The following ANKRD44 variants were observed in gnomAD, a reference collection of about 807,000 sequenced individuals.
ANKRD44 encodes serine/threonine-protein phosphatase 6 regulatory ankyrin repeat subunit B.
ANKRD44 carries 35 observed loss-of-function variants against 116.0 expected under a neutral mutation model. The ratio of observed to expected loss-of-function variants is 0.30; its 90% CI spans 0.23 to 0.40. The LOEUF (loss-of-function observed/expected upper bound fraction) is 0.40, where lower values mean the gene tolerates loss of function less well. Among genes scored for constraint, ANKRD44 ranks in the 10% least tolerant of loss-of-function variants. The pLI is 1.00. For missense variants in ANKRD44, 1,014 were observed against 1,242.6 expected (o/e 0.82, Z 2.77); for synonymous variants, 435 against 461.8 (o/e 0.94, Z 0.74).
rs76254088 is a variant in ANKRD44 at position 197,185,591 on chromosome 2, C to A, written c.111+1432G>T. Among the ~76,000 whole-genome samples the A allele has an allele frequency of 4.0e-3, 613 of 152,316 alleles. 4 individuals are homozygous for A. The highest frequency in any genetic ancestry group is 0.014 in the African/African-American group (583 of 41,566). Reference sequence around the variant, plus strand: ...ACTGTACATAATTGCTTGTTCAACTCAAATCTAGGAAACTACTAAAAGGGT... The same window carrying A: ...ACTGTACATAATTGCTTGTTCAACTAAAATCTAGGAAACTACTAAAAGGGT... On this transcript the variant is annotated intron_variant, in intron 2 of 27. Transcript: ENST00000282272.
rs1017547092 is a variant in ANKRD44 at position 196,990,515 on chromosome 2, G to T, written c.2924-866C>A. 32 of 1,227,644 alleles carry T rather than the reference G, an allele frequency of 2.6e-5. No homozygotes were observed. The African/African-American group carries it at 4.5e-4, about 17-fold the overall frequency. The allele number at this position is 1,227,644 out of a possible 1,614,324, so 76.0% of individuals were successfully genotyped here. A position where few individuals can be genotyped will look rare whatever the true frequency, so the allele number is the denominator to read the frequency against. On this transcript the variant is annotated intron_variant, in intron 27 of 27. Transcript: ENST00000282272. The stretch of plus-strand genomic sequence containing the variant: ...CAAAACTGGGGCCATCTGTGTGACT[G>T]TTCCACCCAACAGCCTCACTGCCCT...
At chr2:196,998,016 C>T (rs922324260) in intron 25 of ANKRD44, among the ~76,000 whole-genome samples, 15 of 152,094 alleles carry the variant, frequency 9.9e-5, no homozygotes, top group African/African-American at 3.6e-4. Context: ...TTATGTGGTA[C>T]CAAAATGTGG....
intron 2 of ANKRD44, among the ~76,000 whole-genome samples, chr2:197,167,841 C>G (rs2080133303): frequency 6.6e-6 from 1 of 152,202 alleles, no homozygotes; most frequent in African/African-American, 2.4e-5. Flanking sequence ...AGATTTTCCC[C>G]TTTACCATAC....
intron 9 of ANKRD44, among the ~76,000 whole-genome samples, chr2:197,108,622 T>G (rs190644474): frequency 5.4e-4 from 83 of 152,296 alleles, no homozygotes; most frequent in Middle Eastern, 3.4e-3. Context: ...ACAGATCATT[T>G]GAGGCCAGGA....
At chr2:196,980,086 T>C (rs2075790444) in intron 21 of ANKRD44, among the ~76,000 whole-genome samples, 1 of 152,200 alleles carries the variant, frequency 6.6e-6, no homozygotes, top group Non-Finnish European at 1.5e-5. Context: ...CTGAATGACA[T>C]TGCAGTAAAT....
At chr2:197,096,424 G>T (rs1014526133) in intron 10 of ANKRD44, among the ~76,000 whole-genome samples, 1 of 152,074 alleles carries the variant, frequency 6.6e-6, no homozygotes, top group East Asian at 1.9e-4. Context: ...GAGACAATCC[G>T]CAAACTAACA....
At chr2:197,069,444 A>G (rs1363637475) in intron 16 of ANKRD44, among the ~76,000 whole-genome samples, 1 of 152,136 alleles carries the variant, frequency 6.6e-6, no homozygotes, top group Non-Finnish European at 1.5e-5. Context: ...AACTTAAAGT[A>G]TAATAAAAAA....
chr2:197,013,234 C>T (rs2076330368), intron 18 of ANKRD44, among the ~76,000 whole-genome samples: 2 of 152,170 alleles, frequency 1.3e-5, no homozygotes, highest in Admixed American at 6.5e-5. Context: ...GATTGCATTA[C>T]ACCTTGCCCT....
intron 2 of ANKRD44, chr2:197,147,922 A>G: frequency 2.2e-6 from 1 of 455,032 alleles, no homozygotes; most frequent in Non-Finnish European, 4.4e-6. Context: ...CTCAAATTTT[A>G]AAATTTCCTC....
In ANKRD44 at chr2:197,089,943, T is replaced by C; in HGVS notation, c.1183+7A>G. ...TAAGCCTCATCTCTGCTAACAGATT[T>C]ACTTACCCGATGATAACAACTTTCT... On this transcript the variant is annotated splice_region_variant and intron_variant, in intron 11 of 27. Coordinates refer to ENST00000282272, the MANE Select transcript of ANKRD44 (RefSeq NM_001195144.2). 1 of 1,613,024 alleles carries C rather than the reference T, an allele frequency of 6.2e-7. No individual in the cohort carries two copies. The highest frequency in any genetic ancestry group is 8.5e-7 in the Non-Finnish European group (1 of 1,179,050).
chr2:197,136,459 G>T, intron 4 of ANKRD44, 133 bp downstream of exon 4: 1 of 768,518 alleles, frequency 1.3e-6, no homozygotes, highest in African/African-American at 1.7e-5. Context: ...AATAAAAGCT[G>T]TTCATTTTGG....
At chr2:197,307,796 A>C (rs2084117439) in intron 1 of ANKRD44, among the ~76,000 whole-genome samples, 1 of 152,166 alleles carries the variant, frequency 6.6e-6, no homozygotes, top group Admixed American at 6.5e-5. Flanking sequence ...AAATCCAGAC[A>C]ATTTGTGTTT....
At chr2:197,089,063 G>A (rs2077986849) in intron 11 of ANKRD44, among the ~76,000 whole-genome samples, 1 of 152,182 alleles carries the variant, frequency 6.6e-6, no homozygotes, top group Non-Finnish European at 1.5e-5. Flanking sequence ...AAACCAATTT[G>A]AGATAAGTAG....
chr2:197,035,041 G>A (rs1471628428), intron 16 of ANKRD44, among the ~76,000 whole-genome samples: 1 of 152,186 alleles, frequency 6.6e-6, no homozygotes, highest in Non-Finnish European at 1.5e-5. Flanking sequence ...CACATGAACA[G>A]CATTTCAATG....
At chr2:197,026,215 CTGA>C (rs1262450968) in intron 16 of ANKRD44, among the ~76,000 whole-genome samples, 1 of 152,196 alleles carries the variant, frequency 6.6e-6, no homozygotes, top group African/African-American at 2.4e-5. Context: ...GTTCCCTGCA[CTGA>C]TAATTCCATA....
rs147213525 is a variant in ANKRD44, at chr2:197,223,685, G to T, written c.28-36579C>A. On this transcript the variant is annotated intron_variant, in intron 1 of 27. Coordinates refer to ENST00000282272, the MANE Select transcript of ANKRD44 (RefSeq NM_001195144.2). ...AGAAGGGAAATCACAACCTAGAATT[G>T]TGGGGTGTGCACAGCTTCAACCTAT... is the stretch of plus-strand genomic sequence containing the variant. 4.3e-3 allele frequency among the ~76,000 whole-genome samples: 654 copies of T among 152,254 alleles called. 7 individuals carry two copies. Among genetic ancestry groups the T allele is most frequent in the African/African-American group, 0.015 (627 of 41,550 alleles).
In ANKRD44 at chr2:196,989,005, C is replaced by T. The variant is rs1052734736; in HGVS notation, c.*586G>A. ...AAGCTGGCTACAGACTGTGGCTGAG[C>T]AGTAGAAGATGCGTAGCCCTCTCTA... On this transcript the variant is annotated 3_prime_UTR_variant, in exon 28 of 28. Transcript: ENST00000282272. 1.5e-4 allele frequency: 144 copies of T among 985,282 alleles called. No homozygotes were observed. Among genetic ancestry groups the T allele is most frequent in the Non-Finnish European group, 1.7e-4 (137 of 829,954 alleles). 61.0% of individuals were successfully genotyped at this position (985,282 alleles called of 1,614,324 possible). A position where few individuals can be genotyped will look rare whatever the true frequency, so the allele number is the denominator to read the frequency against.
chr2:197,132,488 T>A (rs1175535751), intron 4 of ANKRD44, among the ~76,000 whole-genome samples: 1 of 152,212 alleles, frequency 6.6e-6, no homozygotes, highest in Non-Finnish European at 1.5e-5. Context: ...ATGCACCTTA[T>A]TTTTCCAGAC....
rs144141035 is a variant in ANKRD44, at chr2:197,280,032, T to G, written c.27+30546A>C. Among the ~76,000 whole-genome samples the G allele has an allele frequency of 1.8e-4, 27 of 152,368 alleles. No homozygotes were observed. In the East Asian group the frequency reaches 3.7e-3, roughly 21 times the overall value. ...TAATGGTTTATGAGACACTTCTGCCTTTAAACCACCTTATCTCTCTCTTTC... is the reference window on the plus strand; with the variant it reads ...TAATGGTTTATGAGACACTTCTGCCGTTAAACCACCTTATCTCTCTCTTTC... On this transcript the variant is annotated intron_variant, in intron 1 of 27. Transcript: ENST00000282272.
Sources: allele counts gnomAD v4.1 joint callset (sites outside exome capture counted in the v4.1 genomes callset), GRCh38; gene constraint gnomAD v4.1.1; transcripts MANE v1.5; gene names NCBI Gene and HGNC (gene_info 2026-07-23, HGNC 2026-07-21).